Variants in CCSER1 observed in about 807,000 individuals in gnomAD.
CCSER1 encodes coiled-coil serine rich protein 1.
In CCSER1, 41 loss-of-function variants were observed where a neutral mutation model predicts 82.0. That is an observed-to-expected ratio of 0.50 (90% confidence interval 0.39 to 0.65). CCSER1 has a LOEUF of 0.65. CCSER1 is among the 30% of genes least tolerant of loss of function. The pLI is 0.00. For synonymous variants in CCSER1, 414 were observed against 383.9 expected (o/e 1.08, Z -0.92); for missense variants, 1,119 against 1,064.2 (o/e 1.05, Z -0.72).
At chr4:91,338,032 C>G (rs942002481) in intron 10 of CCSER1, among the ~76,000 whole-genome samples, 1 of 152,108 alleles carries the variant, frequency 6.6e-6, no homozygotes, top group African/African-American at 2.4e-5. Context: ...TATAAAATCC[C>G]TTGAGAATAG....
At chr4:90,257,556 G>GATAGATAGATAGATAGATAGATAGATAC (rs946997938) in intron 1 of CCSER1, among the ~76,000 whole-genome samples, 3 of 109,836 alleles carry the variant, frequency 2.7e-5, no homozygotes, top group African/African-American at 8.4e-5. Context: ...TAGATAGATA[G>GATAGATAGATAGATAGATAGATAGATAC]ATAGATACAT....
chr4:91,295,551 A>C (rs746637131), intron 10 of CCSER1, among the ~76,000 whole-genome samples: 1 of 151,964 alleles, frequency 6.6e-6, no homozygotes, highest in Non-Finnish European at 1.5e-5. Context: ...TATTTTGAAA[A>C]ATTAAAATAT....
intron 10 of CCSER1, among the ~76,000 whole-genome samples, chr4:91,466,392 A>G (rs1304527725): frequency 6.6e-6 from 1 of 152,204 alleles, no homozygotes; most frequent in African/African-American, 2.4e-5. Context: ...CCCACAGCCA[A>G]TATCATATTG....
intron 10 of CCSER1, among the ~76,000 whole-genome samples, chr4:91,107,633 T>C (rs1037736004): frequency 1.4e-4 from 18 of 127,330 alleles, no homozygotes; most frequent in Admixed American, 5.2e-4. Flanking sequence ...GGCATTTTCT[T>C]TTTCTCTTTT....
At chr4:91,353,365 G>A (rs1748609979) in intron 10 of CCSER1, among the ~76,000 whole-genome samples, 1 of 152,168 alleles carries the variant, frequency 6.6e-6, no homozygotes. Flanking sequence ...GAACAGGGCA[G>A]GGAGTTTCAC....
intron 6 of CCSER1, among the ~76,000 whole-genome samples, chr4:90,655,199 CAAT>C (rs1729488312): frequency 6.6e-6 from 1 of 151,904 alleles, no homozygotes; most frequent in Admixed American, 6.6e-5. Flanking sequence ...ATAAAAAATA[CAAT>C]GATTCTCTGT....
chr4:90,894,995 A>C (rs1157765278), intron 8 of CCSER1, among the ~76,000 whole-genome samples: 2 of 151,996 alleles, frequency 1.3e-5, no homozygotes, highest in African/African-American at 4.8e-5. Context: ...TACACTTTTA[A>C]TAAAATATAT....
chr4:91,216,958 G>A (rs899340844), intron 10 of CCSER1, among the ~76,000 whole-genome samples: 9 of 152,156 alleles, frequency 5.9e-5, no homozygotes, highest in Non-Finnish European at 1.3e-4. Flanking sequence ...CGGAATTGGT[G>A]GGTTCTTGGT....
chr4:90,150,334 G>A (rs921458221), intron 1 of CCSER1, among the ~76,000 whole-genome samples: 4 of 151,788 alleles, frequency 2.6e-5, no homozygotes, highest in African/African-American at 7.3e-5. Context: ...TTTTAATAGC[G>A]ACTCCCATAG....
chr4:91,443,969 T>C (rs1755386508), intron 10 of CCSER1, among the ~76,000 whole-genome samples: 1 of 151,974 alleles, frequency 6.6e-6, no homozygotes, highest in Non-Finnish European at 1.5e-5. Flanking sequence ...TTACTGAAAT[T>C]ATATGTCCTG....
intron 6 of CCSER1, among the ~76,000 whole-genome samples, chr4:90,701,083 C>T (rs993789773): frequency 2.0e-5 from 3 of 152,050 alleles, no homozygotes; most frequent in African/African-American, 7.2e-5. Flanking sequence ...AATGGTATTG[C>T]CTAGGTTTTC....
intron 10 of CCSER1, among the ~76,000 whole-genome samples, chr4:91,150,377 G>C (rs1730043352): frequency 6.6e-6 from 1 of 152,170 alleles, no homozygotes; most frequent in Non-Finnish European, 1.5e-5. Flanking sequence ...AAGAGACTTT[G>C]GGCTGGGATG....
intron 6 of CCSER1, chr4:90,683,142 T>C (rs1217532176): frequency 3.3e-5 from 5 of 152,068 alleles, no homozygotes; most frequent in Non-Finnish European, 5.9e-5. Context: ...ATGAAATAAT[T>C]ATTTATTCTA....
chr4:90,127,504 C>G lies in CCSER1; in HGVS notation c.-369C>G, dbSNP rs1398726978. On this transcript the variant is annotated 5_prime_UTR_variant, in exon 1 of 11. Coordinates refer to ENST00000509176, the MANE Select transcript of CCSER1 (RefSeq NM_001145065.2). ...CCTCCCCACGTCCCTCCCCTGCCCT[C>G]CTCTTGCTCTGCTCTTCTCTCCCTC... The G allele has an allele frequency of 6.5e-6, 1 of 153,114 alleles. No individual in the cohort carries two copies. The highest frequency in any genetic ancestry group is 2.4e-5 in the African/African-American group (1 of 41,484). 9.5% of individuals were successfully genotyped at this position (153,114 alleles called of 1,614,324 possible).
At chr4:90,303,804 A>G (rs1466111204) in intron 1 of CCSER1, among the ~76,000 whole-genome samples, 12 of 152,132 alleles carry the variant, frequency 7.9e-5, no homozygotes, top group Admixed American at 1.3e-4. Context: ...GACAAATGGG[A>G]TCTAATTAAA....
chr4:90,982,354 C>T (rs760769085), intron 9 of CCSER1, among the ~76,000 whole-genome samples: 1 of 151,662 alleles, frequency 6.6e-6, no homozygotes, highest in Admixed American at 6.6e-5. Context: ...TCCCAAAGGC[C>T]CCACCTCTAA....
chr4:90,272,352 A>C (rs1416308397), intron 1 of CCSER1, among the ~76,000 whole-genome samples: 2 of 152,152 alleles, frequency 1.3e-5, no homozygotes, highest in African/African-American at 4.8e-5. Flanking sequence ...TAAAACTGCA[A>C]AGATATATCA....
At chr4:91,238,704 A>G (rs1005051545) in intron 10 of CCSER1, among the ~76,000 whole-genome samples, 2 of 152,210 alleles carry the variant, frequency 1.3e-5, no homozygotes, top group African/African-American at 4.8e-5. Context: ...TTGAGTACCC[A>G]TTAGTGGATC....
intron 10 of CCSER1, among the ~76,000 whole-genome samples, chr4:91,173,696 C>T (rs1361209080): frequency 6.6e-6 from 1 of 151,796 alleles, no homozygotes; most frequent in Admixed American, 6.6e-5. Flanking sequence ...TGTCACTACT[C>T]TCTCCAGGAA....
Sources: allele counts gnomAD v4.1 joint callset (sites outside exome capture counted in the v4.1 genomes callset), GRCh38; gene constraint gnomAD v4.1.1; transcripts MANE v1.5; gene names NCBI Gene and HGNC (gene_info 2026-07-23, HGNC 2026-07-21).